Variants in KIAA1671 observed in about 807,000 individuals in gnomAD.
The protein encoded by KIAA1671 is KIAA1671, also known as uncharacterized protein KIAA1671.
A neutral mutation model predicts 131.2 loss-of-function variants in KIAA1671; 52 were observed. That is an observed-to-expected ratio of 0.40 (90% CI 0.32 to 0.50). KIAA1671 has a LOEUF of 0.50. KIAA1671 is among the 20% of genes least tolerant of loss of function. KIAA1671 has a pLI of 0.73. For synonymous variants in KIAA1671, 1,003 were observed against 961.6 expected, an observed-to-expected ratio of 1.04 and a Z score of -0.80; for missense variants, 2,360 against 2,364.2, an observed-to-expected ratio of 1.00 and a Z score of 0.04.
At chr22:25,160,299 G>T (rs1278326964) in intron 6 of KIAA1671, among the ~76,000 whole-genome samples, 2 of 152,142 alleles carry the variant, frequency 1.3e-5, no homozygotes, top group African/African-American at 4.8e-5. Context: ...GGTGCACACG[G>T]GTGTGCCCCT....
intron 6 of KIAA1671, chr22:25,064,261 C>G (rs1264394247): frequency 6.6e-6 from 1 of 152,160 alleles, no homozygotes; most frequent in South Asian, 2.1e-4. Flanking sequence ...GGGTTTCGCT[C>G]TGTTGGCCAG....
At chr22:24,997,067 C>A (rs915146331) in intron 1 of KIAA1671, among the ~76,000 whole-genome samples, 8 of 152,220 alleles carry the variant, frequency 5.3e-5, no homozygotes, top group African/African-American at 1.9e-4. Context: ...CTTATTTTCT[C>A]ATGTAAACAT....
chr22:24,988,042 G>A lies in KIAA1671; in HGVS notation c.-208+35270G>A, dbSNP rs181724327. Among the ~76,000 whole-genome samples, 285 of 152,062 alleles carry A rather than the reference G, an allele frequency of 1.9e-3. 2 individuals carry two copies. Among genetic ancestry groups the A allele is most frequent in the African/African-American group, 6.6e-3 (273 of 41,500 alleles). ...TGTAATCCCAGCACTTTGGGAGGCC[G>A]AGGCGGGTGGATCACCTGAGGTCAA... On this transcript the variant is annotated intron_variant, in intron 1 of 12. Transcript: ENST00000358431.
intron 1 of KIAA1671, among the ~76,000 whole-genome samples, chr22:24,961,689 G>T (rs191331247): frequency 6.6e-6 from 1 of 152,368 alleles, no homozygotes; most frequent in African/African-American, 2.4e-5. Flanking sequence ...TCATGCTATA[G>T]GCTGAAGCAA....
intron 6 of KIAA1671, among the ~76,000 whole-genome samples, chr22:25,111,460 C>T (rs897914610): frequency 6.6e-6 from 1 of 152,230 alleles, no homozygotes; most frequent in African/African-American, 2.4e-5. Context: ...CATTCCTGGG[C>T]AGCGAAGCCC....
At chr22:25,087,345 G>A (rs9612856) in intron 6 of KIAA1671, among the ~76,000 whole-genome samples, 18,046 of 152,122 alleles carry the variant, frequency 0.12, 1,186 homozygotes, top group South Asian at 0.21. Context: ...AATACTTCGG[G>A]AGGCCGAGGT....
At chr22:24,983,590 A>G (rs777438067) in intron 1 of KIAA1671, among the ~76,000 whole-genome samples, 46 of 151,206 alleles carry the variant, frequency 3.0e-4, no homozygotes, top group Non-Finnish European at 5.0e-4. Flanking sequence ...GCTCAGACTT[A>G]AAGGATGTGT....
intron 3 of KIAA1671, among the ~76,000 whole-genome samples, chr22:25,031,809 A>G (rs1926309947): frequency 6.6e-6 from 1 of 152,194 alleles, no homozygotes; most frequent in Admixed American, 6.5e-5. Flanking sequence ...ACAGGTGGGG[A>G]AACTGAGGCT....
At chr22:25,192,011 A>G (rs150361760) in intron 12 of KIAA1671, among the ~76,000 whole-genome samples, 42 of 152,300 alleles carry the variant, frequency 2.8e-4, no homozygotes, top group African/African-American at 9.9e-4. Flanking sequence ...GCATGTGTGT[A>G]TGTATAATAA....
chr22:24,965,999 T>A lies in KIAA1671; in HGVS notation c.-208+13227T>A, dbSNP rs527343420. Among the ~76,000 whole-genome samples the A allele has an allele frequency of 8.5e-5, 13 of 152,318 alleles. No homozygotes were observed. The South Asian group carries it at 2.1e-3, about 24-fold the overall frequency. ...CCTATGAAGAAAAATGGTAGTGTTA[T>A]TCCCATTTTATAGATGAGGAAACTG... On this transcript the variant is annotated intron_variant, in intron 1 of 12. Transcript: ENST00000358431.
chr22:25,093,731 ACACACACTCTCTCTCTCTCT>A (rs1930155721), intron 6 of KIAA1671, among the ~76,000 whole-genome samples: 3 of 43,566 alleles, frequency 6.9e-5, no homozygotes, highest in Non-Finnish European at 4.3e-5. Context: ...ACACACACAC[ACACACACTCTCTCTCTCTCT>A]CTCTCTCTCT....
chr22:25,119,029 A>G (rs1931813468), intron 6 of KIAA1671, among the ~76,000 whole-genome samples: 1 of 152,032 alleles, frequency 6.6e-6, no homozygotes, highest in African/African-American at 2.4e-5. Flanking sequence ...ATTTCATGTC[A>G]CTTGTTCCCT....
intron 8 of KIAA1671, chr22:25,176,659 G>A (rs1568993097): frequency 6.6e-6 from 1 of 152,242 alleles, no homozygotes; most frequent in Non-Finnish European, 1.5e-5. Context: ...CTTCACTGCT[G>A]TCTCCCGGGA....
chr22:25,034,525 T>C (rs1248443918), intron 4 of KIAA1671, among the ~76,000 whole-genome samples: 5 of 152,098 alleles, frequency 3.3e-5, no homozygotes, highest in Admixed American at 2.0e-4. Context: ...TGGTGTAGCA[T>C]GTATCAGTAG....
At chr22:25,063,214 C>T (rs984669159) in intron 6 of KIAA1671, 3 of 152,094 alleles carry the variant, frequency 2.0e-5, no homozygotes, top group African/African-American at 7.2e-5. Flanking sequence ...GACCCACCGC[C>T]CGGGTTTGTT....
chr22:25,111,997 C>T (rs17668770), intron 6 of KIAA1671: 30,017 of 383,490 alleles, frequency 0.078, 1,416 homozygotes, highest in Middle Eastern at 0.12. Context: ...CGGCTCCTGG[C>T]TCAGGGATGT....
At chr22:25,003,019 C>T (rs1266654320) in intron 1 of KIAA1671, among the ~76,000 whole-genome samples, 4 of 152,148 alleles carry the variant, frequency 2.6e-5, no homozygotes, top group Admixed American at 6.5e-5. Flanking sequence ...GTGATCCATC[C>T]GCCTCGGCCT....
intron 6 of KIAA1671, among the ~76,000 whole-genome samples, chr22:25,096,891 G>C (rs1468285116): frequency 6.6e-6 from 1 of 152,184 alleles, no homozygotes; most frequent in African/African-American, 2.4e-5. Context: ...TTCTTCATCA[G>C]TGTCTCTCAC....
At chr22:25,042,433 C>A (rs1229492905) in intron 5 of KIAA1671, among the ~76,000 whole-genome samples, 1 of 150,088 alleles carries the variant, frequency 6.7e-6, no homozygotes, top group Admixed American at 6.6e-5. Context: ...AAAGAGGGAT[C>A]ACCATGGTTT....
Sources: allele counts gnomAD v4.1 joint callset (sites outside exome capture counted in the v4.1 genomes callset), GRCh38; gene constraint gnomAD v4.1.1; transcripts MANE v1.5; gene names NCBI Gene and HGNC (gene_info 2026-07-23, HGNC 2026-07-21).